The following SEL1L2 variants were observed in gnomAD, a reference collection of about 807,000 sequenced individuals.
SEL1L2 encodes the protein SEL1L2 adaptor subunit of SYVN1 ubiquitin ligase.
SEL1L2 carries 89 observed loss-of-function variants against 98.8 expected under a neutral mutation model. That is an observed-to-expected ratio of 0.90 (90% CI 0.76 to 1.07). SEL1L2 has a LOEUF of 1.07. SEL1L2 is among the 50% of genes least tolerant of loss of function. The pLI is 0.00. For missense variants in SEL1L2, 788 were observed against 812.0 expected, an observed-to-expected ratio of 0.97 and a Z score of 0.36; for synonymous variants, 262 against 278.5, an observed-to-expected ratio of 0.94 and a Z score of 0.59.
rs1357964961 is a variant in SEL1L2 at position 13,865,501 on chromosome 20, A to G, written c.1418T>C (p.Val473Ala). 1 of 1,613,868 alleles carries G rather than the reference A, an allele frequency of 6.2e-7. No homozygotes were observed. Among genetic ancestry groups the G allele is most frequent in the Non-Finnish European group, 8.5e-7 (1 of 1,179,900 alleles). The change falls in exon 16 of 20, where the codon GTC (valine) becomes GCC (alanine). Residue 473 changes from valine to alanine, a missense_variant. By Grantham distance (64) the Val-to-Ala change is moderately conservative. Coordinates refer to ENST00000284951, the MANE Select transcript of SEL1L2 (RefSeq NM_025229.2). ...CTCAGCCCAGTGGCCTAGTTCACAG[A>G]CACCTTTATAAAGCTGTACATGAGA... ...CRTAVELYKG[V>A]CELGHWAEKF...
upstream of SEL1L2, among the ~76,000 whole-genome samples, chr20:13,992,592 G>A (rs1015591973): frequency 6.6e-6 from 1 of 152,162 alleles, no homozygotes; most frequent in Admixed American, 6.5e-5. Flanking sequence ...GGGTGGTATG[G>A]AGCATAGTAT....
At chr20:13,874,326 A>G (rs2046338727) in intron 12 of SEL1L2, among the ~76,000 whole-genome samples, 1 of 152,238 alleles carries the variant, frequency 6.6e-6, no homozygotes, top group African/African-American at 2.4e-5. Context: ...GAGAAATCTA[A>G]TAAATTGTTC....
chr20:13,964,835 C>A (rs2050965365), intron 1 of SEL1L2, among the ~76,000 whole-genome samples: 1 of 152,062 alleles, frequency 6.6e-6, no homozygotes, highest in Admixed American at 6.6e-5. Context: ...GTAATGACCT[C>A]TTTTTCTTGT....
At chr20:13,862,242 G>GA (rs1197405123) in intron 17 of SEL1L2, among the ~76,000 whole-genome samples, 17 of 152,142 alleles carry the variant, frequency 1.1e-4, no homozygotes, top group African/African-American at 1.7e-4. Context: ...ATGTCAAGTA[G>GA]AAAAAACTCA....
chr20:13,886,398 C>G lies in SEL1L2; in HGVS notation c.790G>C (p.Val264Leu), dbSNP rs561307104. ...TTTTCAGGTCTTTCCGTTAGTCTCA[C>G]TTTTTCCACTGGAACACCTTCACTT... ...EKSEGVPVEKVRLTERPENLS... is the reference protein window; with the variant it reads ...EKSEGVPVEKLRLTERPENLS... Residue 264 changes from valine to leucine, a missense_variant, in exon 9 of 20, where the codon GTG becomes CTG. Val to Leu is a conservative substitution (Grantham distance 32, BLOSUM62 1). Coordinates refer to ENST00000284951, the MANE Select transcript of SEL1L2 (RefSeq NM_025229.2). 3 of 1,613,874 alleles carry G rather than the reference C, an allele frequency of 1.9e-6. No individual in the cohort carries two copies. Among genetic ancestry groups the G allele is most frequent in the Non-Finnish European group, 8.5e-7 (1 of 1,179,964 alleles).
chr20:13,982,480 C>T (rs2051877063), intron 1 of SEL1L2, among the ~76,000 whole-genome samples: 2 of 136,004 alleles, frequency 1.5e-5, no homozygotes, highest in African/African-American at 5.6e-5. Flanking sequence ...CACTGCACTC[C>T]AGCCCAGGAG....
intron 1 of SEL1L2, among the ~76,000 whole-genome samples, chr20:13,964,184 A>C (rs1426130230): frequency 1.3e-5 from 2 of 151,970 alleles, no homozygotes; most frequent in East Asian, 1.9e-4. Flanking sequence ...TGTATGTCTA[A>C]ATATTTAAAT....
At chr20:13,940,554 G>A (rs374552913) in intron 2 of SEL1L2, among the ~76,000 whole-genome samples, 29 of 152,306 alleles carry the variant, frequency 1.9e-4, no homozygotes, top group African/African-American at 6.5e-4. Flanking sequence ...AAGATATTGC[G>A]ATCCTAGGAG....
At chr20:13,984,603 C>G (rs997459695) in intron 1 of SEL1L2, among the ~76,000 whole-genome samples, 1 of 152,240 alleles carries the variant, frequency 6.6e-6, no homozygotes, top group Non-Finnish European at 1.5e-5. Flanking sequence ...GTTACACTGT[C>G]ACCAGAGTTA....
chr20:13,933,396 C>A (rs951422564), intron 2 of SEL1L2, among the ~76,000 whole-genome samples: 1 of 151,992 alleles, frequency 6.6e-6, no homozygotes, highest in African/African-American at 2.4e-5. Context: ...AACCACAAAT[C>A]CTTTAGCTAT....
Position 13,866,864 on chromosome 20 carries a change from T to C in SEL1L2, c.1256-14A>G, listed in dbSNP as rs756852355. ...TTCCAGAGCCAGCTGAAAATTAAAA[T>C]TGTTTTGAGCCACCCCTTATTGACT... On this transcript the variant is annotated splice_polypyrimidine_tract_variant and intron_variant, in intron 14 of 19. Coordinates refer to ENST00000284951, the MANE Select transcript of SEL1L2 (RefSeq NM_025229.2). 3.1e-6 allele frequency: 5 copies of C among 1,598,794 alleles called. No individual in the cohort carries two copies. Among genetic ancestry groups the C allele is most frequent in the Non-Finnish European group, 4.3e-6 (5 of 1,174,688 alleles).
intron 1 of SEL1L2, among the ~76,000 whole-genome samples, chr20:13,963,994 C>G (rs2148480202): frequency 6.6e-6 from 1 of 152,170 alleles, no homozygotes; most frequent in Admixed American, 6.5e-5. Flanking sequence ...GCTTCAGCCT[C>G]CCGAGTAGTT....
At chr20:13,929,002 C>T (rs2049011924) in intron 3 of SEL1L2, among the ~76,000 whole-genome samples, 1 of 152,030 alleles carries the variant, frequency 6.6e-6, no homozygotes. Context: ...TGATTAAAAC[C>T]CATCAAAAGG....
chr20:13,908,825 G>A (rs755281263), intron 5 of SEL1L2, among the ~76,000 whole-genome samples: 1 of 152,066 alleles, frequency 6.6e-6, no homozygotes. Flanking sequence ...TTTTTGCAAG[G>A]TAAACCACTA....
intron 2 of SEL1L2, among the ~76,000 whole-genome samples, chr20:13,937,280 A>G (rs894751558): frequency 2.0e-5 from 3 of 152,198 alleles, no homozygotes; most frequent in African/African-American, 7.2e-5. Context: ...AGGCAGGTGA[A>G]AAAGGGGTCC....
intron 5 of SEL1L2, among the ~76,000 whole-genome samples, chr20:13,897,941 AACAC>A (rs557227250): frequency 6.7e-6 from 1 of 150,054 alleles, no homozygotes; most frequent in Middle Eastern, 3.2e-3. Flanking sequence ...GGCCACTATA[AACAC>A]ACACACACAC....
rs80053076 is a variant in SEL1L2, at chr20:13,960,225, C to G, written c.59-4094G>C. 8.5e-5 allele frequency among the ~76,000 whole-genome samples: 13 copies of G among 152,218 alleles called. No individual in the cohort carries two copies. The East Asian group carries it at 2.5e-3, about 29-fold the overall frequency. On this transcript the variant is annotated intron_variant, in intron 1 of 19. Coordinates refer to ENST00000284951, the MANE Select transcript of SEL1L2 (RefSeq NM_025229.2). Reference sequence around the variant, plus strand: ...TACAGAACGTACAGACACAGAAGTACAAACTGTCATGTGTATTTGAGTGAG... The same window carrying G: ...TACAGAACGTACAGACACAGAAGTAGAAACTGTCATGTGTATTTGAGTGAG...
chr20:13,864,259 G>T (rs1308242952), intron 17 of SEL1L2, among the ~76,000 whole-genome samples: 1 of 152,144 alleles, frequency 6.6e-6, no homozygotes, highest in Admixed American at 6.5e-5. Context: ...GGCTCAGCTG[G>T]ATATGAGAAA....
intron 2 of SEL1L2, among the ~76,000 whole-genome samples, chr20:13,952,407 C>A (rs964707363): frequency 1.3e-4 from 20 of 152,280 alleles, no homozygotes; most frequent in South Asian, 1.0e-3. Context: ...TAAATGAGGT[C>A]TAGGGAACTC....
Sources: allele counts gnomAD v4.1 joint callset (sites outside exome capture counted in the v4.1 genomes callset), GRCh38; gene constraint gnomAD v4.1.1; transcripts MANE v1.5; gene names NCBI Gene and HGNC (gene_info 2026-07-23, HGNC 2026-07-21).